The following CHD5 variants were observed in gnomAD, a reference collection of about 807,000 sequenced individuals.
The protein encoded by CHD5 is chromodomain helicase DNA binding protein 5, also known as ATP-dependent chromatin remodeler CHD5.
A neutral mutation model predicts 230.3 loss-of-function variants in CHD5; 69 were observed. The observed-to-expected ratio is 0.30, with a 90% CI of 0.25 to 0.37. CHD5 has a LOEUF of 0.37. Among genes scored for constraint, CHD5 ranks in the 10% least tolerant of loss-of-function variants. CHD5 has a pLI of 1.00. For synonymous variants in CHD5, 1,064 were observed against 1,065.9 expected (o/e 1.00, Z 0.03); for missense variants, 1,827 against 2,622.8 (o/e 0.70, Z 6.63).
rs1571160335 is a variant in CHD5 at position 6,148,839 on chromosome 1, G to A, written c.1383+15C>T. The A allele has an allele frequency of 8.1e-6, 12 of 1,472,526 alleles. No homozygotes were observed. Among genetic ancestry groups the A allele is most frequent in the Non-Finnish European group, 9.0e-6 (10 of 1,105,444 alleles). The allele number at this position is 1,472,526 out of a possible 1,614,324, so 91.2% of individuals were successfully genotyped here. A position where few individuals can be genotyped will look rare whatever the true frequency, so the allele number is the denominator to read the frequency against. ...TGGGGCGGGGCGTCCGGCGCGGGGCGGGCGGAACACTCACAGTACAGCGCG... is the reference window on the plus strand; with the variant it reads ...TGGGGCGGGGCGTCCGGCGCGGGGCAGGCGGAACACTCACAGTACAGCGCG... On this transcript the variant is annotated intron_variant, in intron 9 of 41. Coordinates refer to ENST00000262450, the MANE Select transcript of CHD5 (RefSeq NM_015557.3).
intron 34 of CHD5, among the ~76,000 whole-genome samples, chr1:6,112,668 T>C (rs1198999330): frequency 6.6e-6 from 1 of 152,208 alleles, no homozygotes; most frequent in South Asian, 2.1e-4. Context: ...CCAGGCTCTA[T>C]GACCAGCTCT....
chr1:6,127,908 G>A, intron 25 of CHD5, 138 bp downstream of exon 25: 1 of 722,372 alleles, frequency 1.4e-6, no homozygotes, highest in Admixed American at 2.5e-5. Flanking sequence ...CGGGGCTGCG[G>A]CTGGAGGGCG....
chr1:6,134,156 T>C lies in CHD5; in HGVS notation c.3116A>G (p.Glu1039Gly). ...GGAGAAGATGAGCACACGGTGCCCC[T>C]CATCCCGCAGTTTCTTCAGCATCTT... ...LQKMLKKLRD[E>G]GHRVLIFSQM... is the part of the protein sequence containing the mutation. The change falls in exon 20 of 42, where the codon GAG becomes GGG. Residue 1039 changes from glutamate (E) to glycine (G), a missense_variant. Around this residue, in one of 14 missense-constraint regions of CHD5, gnomAD observed 38 missense variants for 49.5 expected, o/e 0.77. Coordinates refer to ENST00000262450, the MANE Select transcript of CHD5 (RefSeq NM_015557.3). The surrounding 1 kb of genome is among the most constrained non-coding windows in gnomAD (Gnocchi z 6.3). 6.2e-7 allele frequency: 1 copy of C among 1,613,614 alleles called. No individual in the cohort carries two copies. Among genetic ancestry groups the C allele is most frequent in the Non-Finnish European group, 8.5e-7 (1 of 1,179,942 alleles).
At position 6,159,511 on chromosome 1, in the gene CHD5, C is replaced by T. The variant is rs770868415; in HGVS notation, c.212G>A (p.Ser71Asn). The T allele has an allele frequency of 1.9e-6, 3 of 1,597,014 alleles. No individual in the cohort carries two copies. The East Asian group carries it at 6.7e-5, about 36-fold the overall frequency. The change falls in exon 3 of 42, where the codon AGC (serine) becomes AAC (asparagine). Residue 71 changes from serine to asparagine, a missense_variant. Around this residue, in one of 14 missense-constraint regions of CHD5, gnomAD observed 113 missense variants for 91.9 expected, o/e 1.23. Transcript: ENST00000262450. ...TTCATTCTCTGATAGCTCATCATTG[C>T]TCCCCTGGAAAAGAAGGGGGACAGT... Reference protein sequence around the residue: ...CKGKRKKKEGSNDELSENEED... With the variant: ...CKGKRKKKEGNNDELSENEED...
At chr1:6,112,352 C>CG in intron 34 of CHD5, 75 bp from the exon 35 acceptor site, 1 of 1,567,442 alleles carries the variant, frequency 6.4e-7, no homozygotes, top group South Asian at 1.2e-5. Flanking sequence ...CTGCCAAGCA[C>CG]GGGGGACCCA....
At chr1:6,151,386 C>T (rs866984370) in intron 6 of CHD5, among the ~76,000 whole-genome samples, 39 of 152,228 alleles carry the variant, frequency 2.6e-4, no homozygotes, top group African/African-American at 9.2e-4. Flanking sequence ...ACACTTCCCA[C>T]AATTTCCACC....
At position 6,107,801 on chromosome 1, in the gene CHD5, T is replaced by C. The variant is rs1375396040; in HGVS notation, c.5579-1022A>G. On this transcript the variant is annotated intron_variant, in intron 38 of 41. Transcript: ENST00000262450. ...GAGGGATGATGGAAGAATGAAGGGA[T>C]GATGGAGGAATAATGGAGGGATGGA... Among the ~76,000 whole-genome samples the C allele has an allele frequency of 6.9e-5, 5 of 71,962 alleles. No individual in the cohort carries two copies. In the South Asian group the frequency reaches 2.7e-3, roughly 39 times the overall value. 47.2% of individuals were successfully genotyped at this position (71,962 alleles called of 152,430 possible).
rs1194910880 is a variant in CHD5, at chr1:6,102,735, G to C, written c.*2739C>G. The C allele has an allele frequency of 3.3e-5, 5 of 152,030 alleles. No individual in the cohort carries two copies. The East Asian group carries it at 7.9e-4, about 24-fold the overall frequency. The allele number at this position is 152,030 out of a possible 1,614,324, so 9.4% of individuals were successfully genotyped here. A position where few individuals can be genotyped will look rare whatever the true frequency, so the allele number is the denominator to read the frequency against. ...AAAAGCAGGAGGACTTCAATCATAG[G>C]GGGCAGGGAAAGTCCAGCCTGCCCC... On this transcript the variant is annotated 3_prime_UTR_variant, in exon 42 of 42. Coordinates refer to ENST00000262450, the MANE Select transcript of CHD5 (RefSeq NM_015557.3).
At chr1:6,109,714 T>C (rs1666254519) in intron 38 of CHD5, 81 bp downstream of exon 38, 1 of 1,215,762 alleles carries the variant, frequency 8.2e-7, no homozygotes, top group Non-Finnish European at 1.2e-6. Flanking sequence ...ACCCCATCAG[T>C]GCCCTCATCT....
intron 31 of CHD5, among the ~76,000 whole-genome samples, chr1:6,123,045 C>T (rs1218626113): frequency 7.0e-6 from 1 of 142,390 alleles, no homozygotes; most frequent in Non-Finnish European, 1.5e-5. Context: ...CCAGCCTGGG[C>T]AACAAGAGCG....
intron 7 of CHD5, 134 bp downstream of exon 7, chr1:6,150,898 C>G: frequency 8.5e-7 from 1 of 1,171,606 alleles, no homozygotes; most frequent in Non-Finnish European, 1.1e-6. Flanking sequence ...ATGCCCTCCC[C>G]CTGCTTCCCA....
chr1:6,117,384 T>A (rs1340797039), intron 33 of CHD5, among the ~76,000 whole-genome samples: 1 of 152,166 alleles, frequency 6.6e-6, no homozygotes, highest in African/African-American at 2.4e-5. Flanking sequence ...TATTTGTAAA[T>A]CATATATCTG....
At chr1:6,149,605 G>A (rs1209011504) in intron 7 of CHD5, among the ~76,000 whole-genome samples, 193 bp from the exon 8 acceptor site, 1 of 151,980 alleles carries the variant, frequency 6.6e-6, no homozygotes, top group Non-Finnish European at 1.5e-5. Flanking sequence ...AAGGAAAGAA[G>A]GAAGGAAGGA....
At chr1:6,137,761 G>T (rs1265260902) in intron 15 of CHD5, among the ~76,000 whole-genome samples, 2 of 152,226 alleles carry the variant, frequency 1.3e-5, no homozygotes, top group African/African-American at 2.4e-5. Context: ...AATGCCCTGA[G>T]GTTGCTGATG....
chr1:6,164,076 G>A (rs945130743), intron 2 of CHD5, among the ~76,000 whole-genome samples: 1 of 152,218 alleles, frequency 6.6e-6, no homozygotes, highest in African/African-American at 2.4e-5. Flanking sequence ...GCATGTGGTC[G>A]CAGCCCTGGG....
In CHD5 at chr1:6,150,313, G is replaced by GTGGA. The variant is rs562504291; in HGVS notation, c.994+715_994+718dup. On this transcript the variant is annotated intron_variant, in intron 7 of 41. Transcript: ENST00000262450. The stretch of plus-strand genomic sequence containing the variant: ...AAATGGATGATGGATGAATGGACAA[G>GTGGA]TGGATGGATGGATGGGATGGATGAA... Among the ~76,000 whole-genome samples, 500 of 144,182 alleles carry GTGGA rather than the reference G, an allele frequency of 3.5e-3. 1 individual carries two copies. Among genetic ancestry groups the GTGGA allele is most frequent in the African/African-American group, 0.012 (448 of 38,834 alleles). 94.6% of individuals were successfully genotyped at this position (144,182 alleles called of 152,430 possible). A position where few individuals can be genotyped will look rare whatever the true frequency, so the allele number is the denominator to read the frequency against.
rs761076818 is a variant in CHD5, at chr1:6,110,468, C to T, written c.5308G>A (p.Glu1770Lys). ...QNDPRYMILN[E>K]PFKSEVHKGN... ...TTGTGGACCTCAGACTTGAAGGGCT[C>T]GTTGAGGATCATGTACCGTGGGTCA... The change falls in exon 37 of 42, where the codon GAG becomes AAG. Residue 1770 changes from glutamate to lysine, a missense_variant. Coordinates refer to ENST00000262450, the MANE Select transcript of CHD5 (RefSeq NM_015557.3). 2.5e-6 allele frequency: 4 copies of T among 1,614,010 alleles called. No individual in the cohort carries two copies. Among genetic ancestry groups the T allele is most frequent in the South Asian group, 1.1e-5 (1 of 91,086 alleles).
At chr1:6,174,741 A>G (rs1324633802) in intron 1 of CHD5, among the ~76,000 whole-genome samples, 1 of 148,494 alleles carries the variant, frequency 6.7e-6, no homozygotes, top group African/African-American at 2.5e-5. Flanking sequence ...AAGTGGATAG[A>G]TGGTGAATTG....
At position 6,146,580 on chromosome 1, in the gene CHD5, G is replaced by A. The variant is rs1214160799; in HGVS notation, c.1590+85C>T. On this transcript the variant is annotated intron_variant, in intron 10 of 41. Coordinates refer to ENST00000262450, the MANE Select transcript of CHD5 (RefSeq NM_015557.3). The surrounding 1 kb of genome is among the most constrained non-coding windows in gnomAD (Gnocchi z 5.1). Reference sequence around the variant, plus strand: ...CCAACAGCACCCCTCAGTCAGAGGCGCTTCAGCCCCTTCCCGCCAGCCCAG... The same window carrying A: ...CCAACAGCACCCCTCAGTCAGAGGCACTTCAGCCCCTTCCCGCCAGCCCAG... 2.7e-5 allele frequency: 39 copies of A among 1,469,706 alleles called. No homozygotes were observed. The highest frequency in any genetic ancestry group is 3.3e-5 in the Non-Finnish European group (35 of 1,053,368). 91.0% of individuals were successfully genotyped at this position (1,469,706 alleles called of 1,614,324 possible). A position where few individuals can be genotyped will look rare whatever the true frequency, so the allele number is the denominator to read the frequency against.
Sources: gnomAD v4.1 joint callset for allele counts (sites outside exome capture counted in the v4.1 genomes callset) on GRCh38, gnomAD v4.1.1 for gene constraint, gnomAD v4.1.1 regional missense constraint, Gnocchi (gnomAD v3.1) non-coding constraint, MANE v1.5 for transcripts, NCBI Gene and HGNC (gene_info 2026-07-23, HGNC 2026-07-21) for gene names.